Variants in TRABD2B observed in about 807,000 individuals in gnomAD.
The protein encoded by TRABD2B is metalloprotease TIKI2.
TRABD2B carries 14 observed loss-of-function variants against 40.1 expected under a neutral mutation model. The observed-to-expected ratio is 0.35, with a 90% confidence interval of 0.23 to 0.55. The LOEUF (loss-of-function observed/expected upper bound fraction) is 0.55, where lower values mean the gene tolerates loss of function less well. TRABD2B is among the 20% of genes least tolerant of loss of function. The pLI is 0.90. For synonymous variants in TRABD2B, 263 were observed against 277.0 expected (o/e 0.95, Z 0.50); for missense variants, 541 against 648.6 (o/e 0.83, Z 1.80).
intron 3 of TRABD2B, among the ~76,000 whole-genome samples, chr1:47,798,807 T>C (rs905107473): frequency 1.4e-4 from 21 of 152,292 alleles, no homozygotes; most frequent in Admixed American, 5.2e-4. Flanking sequence ...GTATCCTCAG[T>C]GCCCTGCAGA....
chr1:47,950,374 GACCCTTTAT>G (rs1645325350), intron 2 of TRABD2B, among the ~76,000 whole-genome samples: 1 of 152,172 alleles, frequency 6.6e-6, no homozygotes, highest in African/African-American at 2.4e-5. Context: ...AAATCTAATG[GACCCTTTAT>G]CTGTCCAGGA....
intron 2 of TRABD2B, among the ~76,000 whole-genome samples, chr1:47,947,746 T>C (rs1645279999): frequency 6.6e-6 from 1 of 152,176 alleles, no homozygotes; most frequent in African/African-American, 2.4e-5. Context: ...AGAGCTGACA[T>C]GCACTAACAC....
intron 2 of TRABD2B, among the ~76,000 whole-genome samples, chr1:47,873,524 T>C (rs1644175214): frequency 6.6e-6 from 1 of 152,110 alleles, no homozygotes; most frequent in Admixed American, 6.5e-5. Context: ...GGCGAGGGCG[T>C]GTGCTACACA....
chr1:47,957,314 A>G (rs889795604), intron 2 of TRABD2B, among the ~76,000 whole-genome samples: 18 of 152,242 alleles, frequency 1.2e-4, no homozygotes, highest in African/African-American at 4.1e-4. Context: ...TCCTCCAAAG[A>G]AACGCAGCTC....
rs557423117 is a variant in TRABD2B, at chr1:47,880,527, A to G, written c.667-78908T>C. On this transcript the variant is annotated intron_variant, in intron 2 of 6. Coordinates refer to ENST00000606738, the MANE Select transcript of TRABD2B (RefSeq NM_001194986.2). Reference sequence around the variant, plus strand: ...TATTGTGACACAGCATGGAACGCGGATACCAGGTCAAAACAGGGGCTATGA... The same window carrying G: ...TATTGTGACACAGCATGGAACGCGGGTACCAGGTCAAAACAGGGGCTATGA... Among the ~76,000 whole-genome samples the G allele has an allele frequency of 3.3e-5, 5 of 152,346 alleles. No homozygotes were observed. The East Asian group carries it at 9.6e-4, about 29-fold the overall frequency.
intron 6 of TRABD2B, among the ~76,000 whole-genome samples, chr1:47,769,810 C>T (rs4927046): frequency 0.015 from 2,327 of 152,360 alleles, 86 homozygotes; most frequent in Admixed American, 0.089. Context: ...GCCTGTAGTG[C>T]GTTCCTGGCT....
intron 2 of TRABD2B, among the ~76,000 whole-genome samples, chr1:47,845,559 C>T (rs1645457626): frequency 6.6e-6 from 1 of 152,036 alleles, no homozygotes; most frequent in Non-Finnish European, 1.5e-5. Flanking sequence ...GGGATATGAA[C>T]CAAGGAAGTC....
At chr1:47,866,780 C>G (rs1188957733) in intron 2 of TRABD2B, among the ~76,000 whole-genome samples, 2 of 152,198 alleles carry the variant, frequency 1.3e-5, no homozygotes, top group Non-Finnish European at 2.9e-5. Context: ...CCTCTCCATC[C>G]CACTGGGCCT....
chr1:47,940,008 C>A (rs893615082), intron 2 of TRABD2B, among the ~76,000 whole-genome samples: 1 of 152,222 alleles, frequency 6.6e-6, no homozygotes, highest in African/African-American at 2.4e-5. Flanking sequence ...AGGCCCTTCA[C>A]GATCTGGCTC....
chr1:47,939,942 A>G lies in TRABD2B; in HGVS notation c.666+54092T>C, dbSNP rs553936277. Among the ~76,000 whole-genome samples, 15 of 152,184 alleles carry G rather than the reference A, an allele frequency of 9.9e-5. No individual in the cohort carries two copies. In the South Asian group the frequency reaches 3.1e-3, roughly 32 times the overall value. ...CACTGAATCCAGAGTGGTCCTTCTG[A>G]GATCCAAGCAAACCTTGCAGAGCTC... On this transcript the variant is annotated intron_variant, in intron 2 of 6. Transcript: ENST00000606738.
At chr1:47,841,702 C>A (rs1197103612) in intron 2 of TRABD2B, among the ~76,000 whole-genome samples, 1 of 152,054 alleles carries the variant, frequency 6.6e-6, no homozygotes, top group Non-Finnish European at 1.5e-5. Context: ...AGGCAGGTTC[C>A]CAGAGCCAGG....
At chr1:47,914,043 C>G (rs1205752967) in intron 2 of TRABD2B, among the ~76,000 whole-genome samples, 1 of 152,232 alleles carries the variant, frequency 6.6e-6, no homozygotes, top group Non-Finnish European at 1.5e-5. Context: ...AGTGCTGGAA[C>G]TGCTCACTCT....
intron 2 of TRABD2B, among the ~76,000 whole-genome samples, chr1:47,909,574 G>A (rs1457205881): frequency 1.4e-5 from 2 of 144,556 alleles, no homozygotes; most frequent in African/African-American, 5.0e-5. Flanking sequence ...GGAGGAGGAG[G>A]AGGAGGAGGA....
intron 2 of TRABD2B, among the ~76,000 whole-genome samples, chr1:47,832,262 G>A (rs1645260537): frequency 6.6e-6 from 1 of 152,102 alleles, no homozygotes; most frequent in Non-Finnish European, 1.5e-5. Context: ...GAATCCGGGA[G>A]GCGGAGCTTG....
At chr1:47,873,244 G>T (rs372747924) in intron 2 of TRABD2B, among the ~76,000 whole-genome samples, 1 of 152,132 alleles carries the variant, frequency 6.6e-6, no homozygotes, top group East Asian at 1.9e-4. Flanking sequence ...GTGAATTTTG[G>T]GGGGATAGAA....
At chr1:47,947,150 G>C (rs1455217470) in intron 2 of TRABD2B, among the ~76,000 whole-genome samples, 1 of 152,156 alleles carries the variant, frequency 6.6e-6, no homozygotes, top group African/African-American at 2.4e-5. Flanking sequence ...TCAAAAGCAA[G>C]AGCTGTGGTT....
In TRABD2B at chr1:47,963,782, A is replaced by G. The variant is rs77674061; in HGVS notation, c.666+30252T>C. Among the ~76,000 whole-genome samples, 72 of 152,312 alleles carry G rather than the reference A, an allele frequency of 4.7e-4. 1 individual carries two copies. In the East Asian group the frequency reaches 0.014, roughly 29 times the overall value. On this transcript the variant is annotated intron_variant, in intron 2 of 6. Coordinates refer to ENST00000606738, the MANE Select transcript of TRABD2B (RefSeq NM_001194986.2). The stretch of plus-strand genomic sequence containing the variant: ...AACCGTCCTATGAAGTTTCAAACAC[A>G]CTTACATGTTTGCGTCCCAATAACA...
At chr1:47,886,648 A>T (rs994509714) in intron 2 of TRABD2B, among the ~76,000 whole-genome samples, 5 of 152,170 alleles carry the variant, frequency 3.3e-5, no homozygotes, top group African/African-American at 1.2e-4. Context: ...TCATTTGTTC[A>T]TTCGTTCATT....
intron 2 of TRABD2B, among the ~76,000 whole-genome samples, chr1:47,932,048 G>A (rs1305667539): frequency 6.6e-6 from 1 of 152,214 alleles, no homozygotes; most frequent in Non-Finnish European, 1.5e-5. Flanking sequence ...AGTTTGAGAG[G>A]TGAAGGAAGA....
Sources: gnomAD v4.1 joint callset for allele counts (sites outside exome capture counted in the v4.1 genomes callset) on GRCh38, gnomAD v4.1.1 for gene constraint, MANE v1.5 for transcripts, NCBI Gene and HGNC (gene_info 2026-07-23, HGNC 2026-07-21) for gene names.